Variants in GABRR2 observed in about 807,000 individuals in gnomAD.
The protein encoded by GABRR2 is gamma-aminobutyric acid type A receptor subunit rho2.
GABRR2 carries 36 observed loss-of-function variants against 47.0 expected under a neutral mutation model. That is an observed-to-expected ratio of 0.77 (90% CI 0.59 to 1.01). GABRR2 has a LOEUF of 1.01. Among genes scored for constraint, GABRR2 ranks in the 50% least tolerant of loss-of-function variants. GABRR2 has a pLI of 0.00. For missense variants in GABRR2, 587 were observed against 594.6 expected (o/e 0.99, Z 0.13); for synonymous variants, 204 against 227.5 (o/e 0.90, Z 0.93).
At chr6:89,268,337 G>A (rs1185016911) in intron 4 of GABRR2, among the ~76,000 whole-genome samples, 1 of 152,244 alleles carries the variant, frequency 6.6e-6, no homozygotes, top group Admixed American at 6.5e-5. Context: ...CCAGCCACTG[G>A]TGGTGCTGGC....
At chr6:89,297,293 C>A (rs1476722339) in intron 2 of GABRR2, among the ~76,000 whole-genome samples, 1 of 152,058 alleles carries the variant, frequency 6.6e-6, no homozygotes, top group East Asian at 1.9e-4. Flanking sequence ...GTTGTGGGCC[C>A]CAGGCAGTGT....
At chr6:89,302,358 T>C (rs1767463025) in intron 1 of GABRR2, 2 of 565,294 alleles carry the variant, frequency 3.5e-6, no homozygotes, top group South Asian at 1.4e-5. Context: ...TGGTGGAGAA[T>C]ACAGATGAGA....
At chr6:89,272,680 G>A (rs1030003451) in intron 2 of GABRR2, among the ~76,000 whole-genome samples, 3 of 152,214 alleles carry the variant, frequency 2.0e-5, no homozygotes, top group African/African-American at 7.2e-5. Context: ...CTAGCTGCAC[G>A]TGGGTCCTCT....
At chr6:89,287,172 G>A in intron 2 of GABRR2, among the ~76,000 whole-genome samples, 1 of 152,182 alleles carries the variant, frequency 6.6e-6, no homozygotes. Context: ...TTGTAGTCCA[G>A]GGGTCAAACC....
intron 2 of GABRR2, among the ~76,000 whole-genome samples, chr6:89,294,583 C>T (rs1479224545): frequency 2.6e-5 from 4 of 151,446 alleles, no homozygotes; most frequent in Admixed American, 6.6e-5. Context: ...GTATGGTGGG[C>T]GCTACTGGAA....
chr6:89,276,968 G>T (rs1198841496), intron 2 of GABRR2, among the ~76,000 whole-genome samples: 1 of 152,166 alleles, frequency 6.6e-6, no homozygotes, highest in African/African-American at 2.4e-5. Context: ...ATTATTGAGA[G>T]AAATTAAAGC....
At chr6:89,303,647 G>GAAA (rs34541330) in intron 1 of GABRR2, among the ~76,000 whole-genome samples, 4 of 102,700 alleles carry the variant, frequency 3.9e-5, no homozygotes, top group Non-Finnish European at 5.8e-5. Context: ...TCTTAAGGAG[G>GAAA]AAAAAAAAAA....
At chr6:89,299,723 A>C in intron 2 of GABRR2, 36 bp downstream of exon 2, 1 of 1,463,352 alleles carries the variant, frequency 6.8e-7, no homozygotes, top group African/African-American at 1.4e-5. Flanking sequence ...CCCTGGGGCC[A>C]ACCTCCCACC....
rs1774489143 is a variant in GABRR2 at position 89,292,808 on chromosome 6, TATACG to T, written c.220+6946_220+6950del. ...TATACGATATATCGTATATATCGTA[TATACG>T]ATATATCGTATATATCGTATATACG... On this transcript the variant is annotated intron_variant, in intron 2 of 8. Coordinates refer to ENST00000402938, the MANE Select transcript of GABRR2 (RefSeq NM_002043.5). Among the ~76,000 whole-genome samples the T allele has an allele frequency of 8.9e-5, 2 of 22,572 alleles. 1 individual carries two copies. Among genetic ancestry groups the T allele is most frequent in the African/African-American group, 6.4e-4 (2 of 3,138 alleles). The allele number at this position is 22,572 out of a possible 152,430, so 14.8% of individuals were successfully genotyped here. A position where few individuals can be genotyped will look rare whatever the true frequency, so the allele number is the denominator to read the frequency against.
chr6:89,286,011 C>T lies in GABRR2; in HGVS notation c.220+13748G>A, dbSNP rs550797955. ...TCTTCTCTGCAGATACTCAGCTCCC[C>T]GCCCGCACCCCCAACAACAAACAAA... On this transcript the variant is annotated intron_variant, in intron 2 of 8. Coordinates refer to ENST00000402938, the MANE Select transcript of GABRR2 (RefSeq NM_002043.5). 3.7e-5 allele frequency among the ~76,000 whole-genome samples: 4 copies of T among 108,130 alleles called. No homozygotes were observed. In the South Asian group the frequency reaches 1.1e-3, roughly 29 times the overall value. The allele number at this position is 108,130 out of a possible 152,430, so 70.9% of individuals were successfully genotyped here. A position where few individuals can be genotyped will look rare whatever the true frequency, so the allele number is the denominator to read the frequency against.
intron 2 of GABRR2, among the ~76,000 whole-genome samples, chr6:89,295,636 A>G (rs1263570048): frequency 6.6e-6 from 1 of 151,828 alleles, no homozygotes; most frequent in Non-Finnish European, 1.5e-5. Context: ...GTTTAATTAG[A>G]TCCCATTTGT....
intron 2 of GABRR2, among the ~76,000 whole-genome samples, chr6:89,281,500 G>A (rs1343723984): frequency 6.6e-6 from 1 of 152,180 alleles, no homozygotes; most frequent in African/African-American, 2.4e-5. Context: ...TTCAGGTTGT[G>A]TGATGAGCAT....
rs931839346 is a variant in GABRR2 at position 89,255,746 on chromosome 6, G to A, written c.*1924C>T. ...GCAAACCTTCCCATTCTCCCCATGC[G>A]TCCGCTCAAGCTGGTCTCTTGGCTG... On this transcript the variant is annotated 3_prime_UTR_variant, in exon 9 of 9. Transcript: ENST00000402938. Among the ~76,000 whole-genome samples, 5 of 152,014 alleles carry A rather than the reference G, an allele frequency of 3.3e-5. No individual in the cohort carries two copies. Among genetic ancestry groups the A allele is most frequent in the Admixed American group, 2.0e-4 (3 of 15,252 alleles).
chr6:89,287,062 C>T (rs896230462), intron 2 of GABRR2, among the ~76,000 whole-genome samples: 1 of 152,160 alleles, frequency 6.6e-6, no homozygotes, highest in African/African-American at 2.4e-5. Context: ...GAGGCTGCTG[C>T]CCCAAAGTGA....
intron 2 of GABRR2, among the ~76,000 whole-genome samples, chr6:89,283,263 A>T (rs1372773017): frequency 6.6e-6 from 1 of 152,088 alleles, no homozygotes; most frequent in Non-Finnish European, 1.5e-5. Context: ...TTCTTTATCA[A>T]GAGTTTTTTC....
chr6:89,284,678 T>C (rs1358880442), intron 2 of GABRR2, among the ~76,000 whole-genome samples: 1 of 152,150 alleles, frequency 6.6e-6, no homozygotes, highest in Non-Finnish European at 1.5e-5. Flanking sequence ...GCCTAGAACC[T>C]CCAGAAAGGA....
chr6:89,286,310 G>A (rs971601637), intron 2 of GABRR2, among the ~76,000 whole-genome samples: 55 of 152,168 alleles, frequency 3.6e-4, no homozygotes, highest in Admixed American at 9.8e-4. Context: ...TTTCAGTTAC[G>A]CAAGGTGAGT....
At chr6:89,287,450 C>G (rs527813206) in intron 2 of GABRR2, among the ~76,000 whole-genome samples, 2 of 152,226 alleles carry the variant, frequency 1.3e-5, no homozygotes, top group Non-Finnish European at 2.9e-5. Flanking sequence ...GGAGCTGTGT[C>G]GAGAAGGCAC....
intron 1 of GABRR2, among the ~76,000 whole-genome samples, chr6:89,309,781 T>A (rs574808309): frequency 3.7e-4 from 56 of 151,924 alleles, no homozygotes; most frequent in Middle Eastern, 3.4e-3. Context: ...CTTCTTCTTA[T>A]TATTATTATT....
Sources: allele counts gnomAD v4.1 joint callset (sites outside exome capture counted in the v4.1 genomes callset), GRCh38; gene constraint gnomAD v4.1.1; transcripts MANE v1.5; gene names NCBI Gene and HGNC (gene_info 2026-07-23, HGNC 2026-07-21).